The following VPS13C variants were observed in gnomAD, a reference collection of about 807,000 sequenced individuals.
VPS13C encodes the protein intermembrane lipid transfer protein VPS13C.
VPS13C carries 358 observed loss-of-function variants against 456.8 expected under a neutral mutation model. That is an observed-to-expected ratio of 0.78 (90% confidence interval 0.72 to 0.86). The LOEUF is 0.86. Ranked by LOEUF, VPS13C falls within the 40% of genes least tolerant of loss-of-function variation. The pLI is 0.00. For synonymous variants in VPS13C, 1,578 were observed against 1,486.7 expected, an observed-to-expected ratio of 1.06 and a Z score of -1.41; for missense variants, 4,818 against 4,385.4, an observed-to-expected ratio of 1.10 and a Z score of -2.79.
chr15:61,880,031 G>A (rs1320648283), intron 73 of VPS13C, among the ~76,000 whole-genome samples: 1 of 152,036 alleles, frequency 6.6e-6, no homozygotes, highest in African/African-American at 2.4e-5. Flanking sequence ...AGAGCATTAT[G>A]GTTGATAGCA....
At chr15:62,026,204 C>T (rs1261079382) in intron 6 of VPS13C, among the ~76,000 whole-genome samples, 1 of 151,434 alleles carries the variant, frequency 6.6e-6, no homozygotes, top group African/African-American at 2.4e-5. Context: ...GTAGCTGCAT[C>T]ATGGAATCTG....
intron 10 of VPS13C, among the ~76,000 whole-genome samples, chr15:62,013,590 A>G (rs529751161): frequency 6.6e-6 from 1 of 152,146 alleles, no homozygotes; most frequent in East Asian, 1.9e-4. Flanking sequence ...AAATAAAATG[A>G]AACGTATCTG....
Position 61,922,448 on chromosome 15 carries a change from A to T in VPS13C, c.6924T>A (p.Asn2308Lys). Residue 2308 changes from asparagine to lysine, a missense_variant, in exon 54 of 85, where the codon AAT becomes AAA. Around this residue, in one of 3 missense-constraint regions of VPS13C, gnomAD observed 4,552 missense variants for 4,130.6 expected, o/e 1.10. Coordinates refer to ENST00000644861, the MANE Select transcript of VPS13C (RefSeq NM_020821.3). Reference protein sequence around the residue: ...LLLAESKFSGNIKNWTSLMAA... With the variant: ...LLLAESKFSGKIKNWTSLMAA... The stretch of plus-strand genomic sequence containing the variant: ...CCATTAGAGAAGTCCAATTTTTAAT[A>T]TTTCCTGAAAACTTAGACTCTGCCA... The T allele has an allele frequency of 6.2e-7, 1 of 1,613,968 alleles. No homozygotes were observed. The highest frequency in any genetic ancestry group is 1.1e-5 in the South Asian group (1 of 91,060).
At chr15:61,958,522 T>G in intron 37 of VPS13C, 86 bp downstream of exon 37, 4 of 753,076 alleles carry the variant, frequency 5.3e-6, no homozygotes, top group Non-Finnish European at 8.7e-6. Flanking sequence ...AAACATATAT[T>G]TGTTTACTTT....
At chr15:61,961,993 AAT>A in intron 34 of VPS13C, 100 bp from the exon 35 acceptor site, 1 of 1,303,260 alleles carries the variant, frequency 7.7e-7, no homozygotes, top group Non-Finnish European at 1.0e-6. Flanking sequence ...TTTTTTTTCC[AAT>A]ATTTAACTTT....
At chr15:62,023,024 A>G (rs1358713594) in intron 8 of VPS13C, among the ~76,000 whole-genome samples, 2 of 151,924 alleles carry the variant, frequency 1.3e-5, no homozygotes, top group African/African-American at 2.4e-5. Context: ...ACCAGATTTT[A>G]GTCACTTTTT....
intron 23 of VPS13C, 104 bp downstream of exon 23, chr15:61,978,522 C>T (rs2045778784): frequency 7.3e-7 from 1 of 1,365,540 alleles, no homozygotes; most frequent in African/African-American, 1.5e-5. Context: ...AATATGTGTG[C>T]AAAATGGTTG....
intron 66 of VPS13C, 166 bp downstream of exon 66, chr15:61,907,098 T>C: frequency 1.2e-6 from 1 of 845,620 alleles, no homozygotes; most frequent in Non-Finnish European, 1.9e-6. Flanking sequence ...GGTAATATAC[T>C]GGTTTGAACT....
chr15:62,052,533 C>T (rs554454285), intron 1 of VPS13C, among the ~76,000 whole-genome samples: 2 of 151,658 alleles, frequency 1.3e-5, no homozygotes, highest in Non-Finnish European at 2.9e-5. Flanking sequence ...ATTAGCCAGG[C>T]GTGGTGGCGG....
At chr15:62,012,994 G>C (rs1296880556) in intron 11 of VPS13C, 45 bp downstream of exon 11, 4 of 1,465,278 alleles carry the variant, frequency 2.7e-6, no homozygotes, top group Non-Finnish European at 3.8e-6. Flanking sequence ...AACAAATTTA[G>C]GGATGGGAGT....
At chr15:61,993,395 G>GA (rs960409081) in intron 16 of VPS13C, among the ~76,000 whole-genome samples, 22 of 149,208 alleles carry the variant, frequency 1.5e-4, no homozygotes, top group South Asian at 4.3e-4. Flanking sequence ...TTTTATTTTG[G>GA]AAAAAAAAAT....
chr15:62,032,049 T>G (rs1438695807), intron 5 of VPS13C, among the ~76,000 whole-genome samples: 21 of 151,850 alleles, frequency 1.4e-4, no homozygotes, highest in Admixed American at 1.3e-3. Context: ...TGTAACTTAT[T>G]ATGTAATTGT....
Position 62,033,463 on chromosome 15 carries a change from G to A in VPS13C, c.363C>T (p.Ala121=), listed in dbSNP as rs762614016. The A allele has an allele frequency of 3.1e-6, 5 of 1,603,226 alleles. No individual in the cohort carries two copies. The highest frequency in any genetic ancestry group is 1.7e-5 in the Admixed American group (1 of 58,924). Residue 121 remains alanine, a synonymous_variant, in exon 5 of 85, where the codon GCC becomes GCT. Transcript: ENST00000644861. ...TACCTTTTTCTGCTGCTTTTTGAAG[G>A]GCTTCTTCAATTCGGGATAGCTCTT... The part of the protein sequence containing the change: ...KQKELSRIEE[A]LQKAAEKGTH...
intron 58 of VPS13C, among the ~76,000 whole-genome samples, chr15:61,918,483 T>C (rs1046918667): frequency 1.3e-5 from 2 of 152,050 alleles, no homozygotes; most frequent in Non-Finnish European, 2.9e-5. Context: ...CCATATATTA[T>C]AAGCTTATGT....
intron 79 of VPS13C, 49 bp from the exon 80 acceptor site, chr15:61,869,672 C>T: frequency 6.2e-7 from 1 of 1,606,956 alleles, no homozygotes; most frequent in Non-Finnish European, 8.5e-7. Context: ...TTTAAATGAG[C>T]AAGTTTGAGC....
chr15:61,966,217 T>A, intron 29 of VPS13C, 75 bp from the exon 30 acceptor site: 1 of 990,974 alleles, frequency 1.0e-6, no homozygotes, highest in Non-Finnish European at 1.5e-6. Flanking sequence ...TTATCTCTGG[T>A]TAATTTATTT....
At position 61,962,447 on chromosome 15, in the gene VPS13C, T is replaced by G; in HGVS notation, c.3527A>C (p.Lys1176Thr). Residue 1176 changes from lysine (K) to threonine (T), a missense_variant, in exon 34 of 85, where the codon AAA becomes ACA. Lys to Thr is a moderately conservative substitution (Grantham distance 78). This residue lies in a region of VPS13C where 4,552 missense variants were observed against 4,130.6 expected (regional missense o/e 1.10). Coordinates refer to ENST00000644861, the MANE Select transcript of VPS13C (RefSeq NM_020821.3). ...ATTCAGAGACAGCACACCATCCACT[T>G]TGGACATGTCAGTATACAAATCCCC... is the stretch of plus-strand genomic sequence containing the variant. The part of the protein sequence containing the change: ...TEGDLYTDMS[K>T]VDGVLSLNVG... The G allele has an allele frequency of 6.2e-7, 1 of 1,612,010 alleles. No individual in the cohort carries two copies. The highest frequency in any genetic ancestry group is 8.5e-7 in the Non-Finnish European group (1 of 1,178,724).
Position 61,867,326 on chromosome 15 carries a change from G to A in VPS13C, c.10863+1333C>T. 2.0e-6 allele frequency: 2 copies of A among 984,956 alleles called. No homozygotes were observed. Among genetic ancestry groups the A allele is most frequent in the Non-Finnish European group, 2.4e-6 (2 of 829,610 alleles). 61.0% of individuals were successfully genotyped at this position (984,956 alleles called of 1,614,324 possible). A position where few individuals can be genotyped will look rare whatever the true frequency, so the allele number is the denominator to read the frequency against. On this transcript the variant is annotated intron_variant, in intron 81 of 84. Transcript: ENST00000644861. The surrounding 1 kb of genome is among the most constrained non-coding windows in gnomAD (Gnocchi z 5.0). ...TCATTTATTTAGCAACAGTACCAAG[G>A]GGTTAAATAGGAAAAAGAGGGAAGA...
Position 61,931,151 on chromosome 15 carries a change from C to T in VPS13C, c.5977G>A (p.Val1993Ile), listed in dbSNP as rs376829284. The T allele has an allele frequency of 5.0e-6, 8 of 1,613,984 alleles. No individual in the cohort carries two copies. The highest frequency in any genetic ancestry group is 3.3e-5 in the Admixed American group (2 of 59,996). The change falls in exon 50 of 85, where the codon GTT (valine) becomes ATT (isoleucine). Residue 1993 changes from valine (V) to isoleucine (I), a missense_variant. Val to Ile is a conservative substitution (Grantham distance 29, BLOSUM62 3). Coordinates refer to ENST00000644861, the MANE Select transcript of VPS13C (RefSeq NM_020821.3). ...MFKDGSMNVS[V>I]KLKTCTLDDL... is the part of the protein sequence containing the mutation. Reference sequence around the variant, plus strand: ...TCAAGGGTGCATGTCTTAAGTTTAACGCTGACATTCATTGAGCCATCCTTA... The same window carrying T: ...TCAAGGGTGCATGTCTTAAGTTTAATGCTGACATTCATTGAGCCATCCTTA...
Sources: allele counts gnomAD v4.1 joint callset (sites outside exome capture counted in the v4.1 genomes callset), GRCh38; gene constraint gnomAD v4.1.1; regional missense constraint gnomAD v4.1.1; non-coding constraint Gnocchi (gnomAD v3.1); transcripts MANE v1.5; gene names NCBI Gene and HGNC (gene_info 2026-07-23, HGNC 2026-07-21).